RBFOX1: variants seen among roughly 807,000 people sequenced by gnomAD.
RBFOX1 encodes the protein RNA binding fox-1 homolog 1, also known as RNA binding protein fox-1 homolog 1.
A neutral mutation model predicts 57.7 loss-of-function variants in RBFOX1; 8 were observed. The ratio of observed to expected loss-of-function variants is 0.14; its 90% CI spans 0.08 to 0.25. The LOEUF (loss-of-function observed/expected upper bound fraction) is 0.25. Among genes scored for constraint, RBFOX1 ranks in the 10% least tolerant of loss-of-function variants. The pLI is 1.00. For missense variants in RBFOX1, 611 were observed against 548.5 expected (o/e 1.11, Z -1.14); for synonymous variants, 326 against 222.4 (o/e 1.47, Z -4.15).
chr16:6,564,587 C>G (rs942575796), intron 2 of RBFOX1, among the ~76,000 whole-genome samples: 17 of 152,070 alleles, frequency 1.1e-4, no homozygotes, highest in Non-Finnish European at 2.9e-5. Context: ...TATATGGAAT[C>G]TAAAAAGCTG....
At chr16:7,488,891 CATT>C (rs2066160396) in intron 4 of RBFOX1, among the ~76,000 whole-genome samples, 2 of 152,142 alleles carry the variant, frequency 1.3e-5, no homozygotes, top group African/African-American at 2.4e-5. Context: ...GTCATTTTAT[CATT>C]ATGTTTGTCT....
intron 2 of RBFOX1, among the ~76,000 whole-genome samples, chr16:6,444,687 A>T (rs1260068092): frequency 3.3e-5 from 5 of 152,106 alleles, no homozygotes; most frequent in African/African-American, 9.7e-5. Flanking sequence ...AAAATGGACT[A>T]ATACAAGGCA....
intron 3 of RBFOX1, among the ~76,000 whole-genome samples, chr16:6,800,890 C>T (rs996797742): frequency 6.6e-6 from 1 of 152,090 alleles, no homozygotes; most frequent in African/African-American, 2.4e-5. Context: ...GAAGTTAATT[C>T]ACTTCAAGTG....
chr16:7,179,058 C>T (rs550800268), intron 4 of RBFOX1, among the ~76,000 whole-genome samples: 2 of 152,034 alleles, frequency 1.3e-5, no homozygotes, highest in African/African-American at 2.4e-5. Flanking sequence ...ATGGCTATTT[C>T]TTTAATCTGA....
chr16:7,598,690 T>C (rs184747206), intron 9 of RBFOX1, among the ~76,000 whole-genome samples: 1 of 152,338 alleles, frequency 6.6e-6, no homozygotes. Flanking sequence ...TAGTGTTGTA[T>C]ACATTTTTAT....
chr16:5,755,166 C>A, intron 3 of RBFOX1, among the ~76,000 whole-genome samples: 1 of 124,818 alleles, frequency 8.0e-6, no homozygotes, highest in Non-Finnish European at 1.6e-5. Flanking sequence ...CTGCACCGCC[C>A]TTAATCCATT....
At chr16:7,223,750 G>A (rs1036665619) in intron 4 of RBFOX1, among the ~76,000 whole-genome samples, 7 of 151,242 alleles carry the variant, frequency 4.6e-5, no homozygotes, top group East Asian at 1.9e-4. Flanking sequence ...AATGAGCAAG[G>A]CAGGTGGATT....
At chr16:6,968,546 G>C (rs2084803685) in intron 3 of RBFOX1, among the ~76,000 whole-genome samples, 1 of 152,226 alleles carries the variant, frequency 6.6e-6, no homozygotes, top group Admixed American at 6.5e-5. Context: ...ATTTAGAAGA[G>C]GAAGTCTGGC....
intron 4 of RBFOX1, among the ~76,000 whole-genome samples, chr16:7,237,821 C>T (rs570446708): frequency 2.6e-5 from 4 of 152,242 alleles, no homozygotes; most frequent in Non-Finnish European, 4.4e-5. Flanking sequence ...GCATGGCCAA[C>T]GTGGTGAAAA....
chr16:5,812,708 C>G (rs759419975), intron 3 of RBFOX1, among the ~76,000 whole-genome samples: 2 of 152,176 alleles, frequency 1.3e-5, no homozygotes, highest in Non-Finnish European at 2.9e-5. Flanking sequence ...GCAGTCCTTT[C>G]ACCTCTGCCT....
At chr16:6,045,228 C>G (rs1228393320) in intron 1 of RBFOX1, among the ~76,000 whole-genome samples, 1 of 152,200 alleles carries the variant, frequency 6.6e-6, no homozygotes, top group East Asian at 1.9e-4. Flanking sequence ...CCGAGCGATG[C>G]TACTGCTGCT....
rs149320898 is a variant in RBFOX1, at chr16:6,852,543, G to A, written c.-16+197893G>A. 5.9e-5 allele frequency among the ~76,000 whole-genome samples: 9 copies of A among 152,320 alleles called. No homozygotes were observed. In the East Asian group the frequency reaches 1.5e-3, roughly 26 times the overall value. On this transcript the variant is annotated intron_variant, in intron 3 of 15. Coordinates refer to ENST00000550418, the MANE Select transcript of RBFOX1 (RefSeq NM_018723.4). Reference sequence around the variant, plus strand: ...TTGTGTCTCAGAAATTAACTTTGGCGAGATACATGGTGGCAACTAGCTGTC... The same window carrying A: ...TTGTGTCTCAGAAATTAACTTTGGCAAGATACATGGTGGCAACTAGCTGTC...
chr16:6,619,779 C>G (rs1010577630), intron 2 of RBFOX1, among the ~76,000 whole-genome samples: 1 of 146,948 alleles, frequency 6.8e-6, no homozygotes, highest in Non-Finnish European at 1.5e-5. Flanking sequence ...GTCATGGGGA[C>G]TTGTTGTACA....
chr16:7,094,043 G>A (rs752461710), intron 4 of RBFOX1, among the ~76,000 whole-genome samples: 2 of 150,612 alleles, frequency 1.3e-5, no homozygotes, highest in Non-Finnish European at 2.9e-5. Context: ...TCAAGTGGAT[G>A]TTGCTTAGTG....
intron 4 of RBFOX1, among the ~76,000 whole-genome samples, chr16:7,309,030 A>C (rs1603617842): frequency 6.6e-6 from 1 of 152,172 alleles, no homozygotes; most frequent in African/African-American, 2.4e-5. Context: ...GTAACGCAGA[A>C]AAGAATTAGG....
chr16:6,222,220 G>A (rs889006170), intron 1 of RBFOX1, among the ~76,000 whole-genome samples: 12 of 152,236 alleles, frequency 7.9e-5, no homozygotes, highest in African/African-American at 1.7e-4. Context: ...AATAACTCTC[G>A]TGGGTCTTTG....
At chr16:6,564,479 C>T (rs1269650177) in intron 2 of RBFOX1, among the ~76,000 whole-genome samples, 1 of 151,594 alleles carries the variant, frequency 6.6e-6, no homozygotes, top group African/African-American at 2.4e-5. Flanking sequence ...CAAAAACAAA[C>T]AAAAATAAAC....
At chr16:5,637,419 G>A (rs528642046) in intron 3 of RBFOX1, among the ~76,000 whole-genome samples, 15 of 152,266 alleles carry the variant, frequency 9.9e-5, no homozygotes, top group South Asian at 2.1e-4. Context: ...GACCCATAGC[G>A]AGTGAATTGA....
intron 3 of RBFOX1, among the ~76,000 whole-genome samples, chr16:5,716,018 G>A (rs2051684967): frequency 6.6e-6 from 1 of 152,066 alleles, no homozygotes; most frequent in South Asian, 2.1e-4. Context: ...TCATGAAGTG[G>A]GCAAGGCAGG....
Sources: gnomAD v4.1 joint callset for allele counts (sites outside exome capture counted in the v4.1 genomes callset) on GRCh38, gnomAD v4.1.1 for gene constraint, MANE v1.5 for transcripts, NCBI Gene and HGNC (gene_info 2026-07-23, HGNC 2026-07-21) for gene names.